Variants in METTL15 observed in about 807,000 individuals in gnomAD.
The protein encoded by METTL15 is methyltransferase 15, mitochondrial 12S rRNA N4-cytidine.
A neutral mutation model predicts 38.3 loss-of-function variants in METTL15; 34 were observed. The ratio of observed to expected loss-of-function variants is 0.89; its 90% CI spans 0.68 to 1.18. The LOEUF (loss-of-function observed/expected upper bound fraction) is 1.18. Among genes scored for constraint, METTL15 ranks in the 50% most tolerant of loss-of-function variants. The pLI is 0.00. For synonymous variants in METTL15, 162 were observed against 170.9 expected (o/e 0.95, Z 0.41); for missense variants, 438 against 498.4 (o/e 0.88, Z 1.15).
chr11:28,465,475 A>G (rs1231830208), intron 6 of METTL15, among the ~76,000 whole-genome samples: 1 of 152,124 alleles, frequency 6.6e-6, no homozygotes, highest in Non-Finnish European at 1.5e-5. Context: ...CCACACCTAT[A>G]AACTAACTGC....
chr11:28,371,973 CT>C (rs1850247931), intron 5 of METTL15, among the ~76,000 whole-genome samples: 1 of 151,908 alleles, frequency 6.6e-6, no homozygotes, highest in East Asian at 1.9e-4. Context: ...ATTTGGATGC[CT>C]TTTTTTCTTT....
chr11:28,463,778 C>G (rs1227187381), intron 6 of METTL15, among the ~76,000 whole-genome samples: 1 of 150,380 alleles, frequency 6.6e-6, no homozygotes, highest in East Asian at 2.0e-4. Flanking sequence ...GGTTACTAAA[C>G]TCCACATGGA....
intron 3 of METTL15, among the ~76,000 whole-genome samples, chr11:28,340,615 C>T (rs1390876806): frequency 6.6e-6 from 1 of 152,148 alleles, no homozygotes; most frequent in Non-Finnish European, 1.5e-5. Flanking sequence ...ATCAAGACCA[C>T]AATGAGATAC....
intron 4 of METTL15, among the ~76,000 whole-genome samples, chr11:28,239,100 T>C (rs1854170170): frequency 6.6e-6 from 1 of 152,172 alleles, no homozygotes; most frequent in African/African-American, 2.4e-5. Context: ...TCTTGCCTTG[T>C]TTCAGAGCTG....
At chr11:28,502,066 A>G (rs1851588507) in intron 6 of METTL15, among the ~76,000 whole-genome samples, 1 of 149,104 alleles carries the variant, frequency 6.7e-6, no homozygotes, top group South Asian at 2.1e-4. Flanking sequence ...TCGCCACTGC[A>G]CTTCAGCCTG....
chr11:28,127,154 A>ATAAT (rs1852522361), intron 3 of METTL15, among the ~76,000 whole-genome samples: 1 of 152,078 alleles, frequency 6.6e-6, no homozygotes, highest in Admixed American at 6.6e-5. Flanking sequence ...TTTTAAAAAG[A>ATAAT]TAATTCTCTC....
chr11:28,284,481 A>G (rs1856176682), intron 4 of METTL15, among the ~76,000 whole-genome samples: 1 of 152,178 alleles, frequency 6.6e-6, no homozygotes, highest in South Asian at 2.1e-4. Context: ...TGCAGTATGA[A>G]GAAGATTTCT....
intron 5 of METTL15, among the ~76,000 whole-genome samples, chr11:28,375,044 G>C (rs1850291875): frequency 6.7e-6 from 1 of 150,332 alleles, no homozygotes; most frequent in South Asian, 2.1e-4. Flanking sequence ...TAAGCTTTTT[G>C]ATGTGCTGCT....
chr11:28,327,916 A>G, intron 6 of METTL15: 1 of 492,674 alleles, frequency 2.0e-6, no homozygotes, highest in Non-Finnish European at 3.4e-6. Flanking sequence ...TAAAATGTCA[A>G]TAAAGTTAAG....
intron 3 of METTL15, among the ~76,000 whole-genome samples, chr11:28,179,839 G>A (rs148626920): frequency 4.6e-5 from 7 of 151,894 alleles, no homozygotes; most frequent in African/African-American, 1.7e-4. Flanking sequence ...GTGTTATGAA[G>A]TGGTTGAATC....
chr11:28,255,048 G>A (rs561261480), intron 4 of METTL15, among the ~76,000 whole-genome samples: 9 of 152,156 alleles, frequency 5.9e-5, no homozygotes, highest in South Asian at 2.1e-4. Context: ...TCTGTAGATC[G>A]CTTTGGGTAC....
At chr11:28,483,887 A>G (rs796373214) in intron 6 of METTL15, among the ~76,000 whole-genome samples, 1 of 152,178 alleles carries the variant, frequency 6.6e-6, no homozygotes, top group Non-Finnish European at 1.5e-5. Context: ...TACCTAGTGT[A>G]AAGTAGTTAT....
intron 3 of METTL15, chr11:28,197,424 G>T (rs1294016779): frequency 6.1e-6 from 2 of 326,348 alleles, no homozygotes; most frequent in African/African-American, 2.2e-5. Context: ...TTATTTATAT[G>T]ACACTACTTT....
At chr11:28,178,404 A>C (rs896940573) in intron 3 of METTL15, among the ~76,000 whole-genome samples, 5 of 151,910 alleles carry the variant, frequency 3.3e-5, no homozygotes, top group Non-Finnish European at 7.4e-5. Context: ...TTGCAATCAA[A>C]ATTATTAACT....
intron 5 of METTL15, among the ~76,000 whole-genome samples, chr11:28,402,052 A>G (rs1439310843): frequency 5.3e-5 from 8 of 151,926 alleles, no homozygotes; most frequent in Non-Finnish European, 8.8e-5. Context: ...GTGTTTTGGT[A>G]GTTTCTAGAA....
chr11:28,342,164 A>G (rs539217743), intron 3 of METTL15, among the ~76,000 whole-genome samples: 1 of 152,208 alleles, frequency 6.6e-6, no homozygotes, highest in African/African-American at 2.4e-5. Context: ...GAGCATTCAC[A>G]TTCTTCATCC....
chr11:28,380,681 A>T (rs1230029692), intron 5 of METTL15, among the ~76,000 whole-genome samples: 1 of 152,190 alleles, frequency 6.6e-6, no homozygotes, highest in Non-Finnish European at 1.5e-5. Flanking sequence ...CAGGCTTATT[A>T]AAAGCATCTT....
intron 6 of METTL15, among the ~76,000 whole-genome samples, chr11:28,480,648 T>A (rs1198790401): frequency 6.6e-6 from 1 of 152,200 alleles, no homozygotes. Context: ...ATTAGAGAAC[T>A]ACTGTCAGGG....
Position 28,149,729 on chromosome 11 carries a change from T to C in METTL15, c.270+36125T>C, listed in dbSNP as rs541848584. ...TGGATTACCCAAAACCGAACTGGTA[T>C]ATGACTTTGGAATTTATCTGCTTCC... On this transcript the variant is annotated intron_variant, in intron 3 of 6. Transcript: ENST00000407364. 2.0e-5 allele frequency among the ~76,000 whole-genome samples: 3 copies of C among 152,040 alleles called. No individual in the cohort carries two copies. In the South Asian group the frequency reaches 6.2e-4, roughly 32 times the overall value.
Sources: allele counts gnomAD v4.1 joint callset (sites outside exome capture counted in the v4.1 genomes callset), GRCh38; gene constraint gnomAD v4.1.1; transcripts MANE v1.5; gene names NCBI Gene and HGNC (gene_info 2026-07-23, HGNC 2026-07-21).